The following RASGRP3 variants were observed in gnomAD, a reference collection of about 807,000 sequenced individuals.
RASGRP3 encodes the protein ras guanyl-releasing protein 3.
Under a neutral mutation model 82.7 loss-of-function variants are expected in RASGRP3, and 54 were observed. The observed-to-expected ratio is 0.65, with a 90% CI of 0.52 to 0.82. The LOEUF (loss-of-function observed/expected upper bound fraction) is 0.82. Ranked by LOEUF, RASGRP3 falls within the 40% of genes least tolerant of loss-of-function variation. The pLI is 0.00. For missense variants in RASGRP3, 861 were observed against 828.9 expected (o/e 1.04, Z -0.48); for synonymous variants, 309 against 300.5 (o/e 1.03, Z -0.29).
At chr2:33,540,660 A>C (rs1267039241) in intron 12 of RASGRP3, among the ~76,000 whole-genome samples, 3 of 130,282 alleles carry the variant, frequency 2.3e-5, no homozygotes, top group East Asian at 2.1e-4. Context: ...TGTCTTCCTT[A>C]CCTTTTCTCT....
intron 10 of RASGRP3, among the ~76,000 whole-genome samples, chr2:33,529,075 T>C (rs2151041035): frequency 6.6e-6 from 1 of 152,260 alleles, no homozygotes; most frequent in African/African-American, 2.4e-5. Flanking sequence ...TGCCTACCCT[T>C]GGGCAATTTC....
chr2:33,543,662 A>G, intron 13 of RASGRP3, 35 bp downstream of exon 13: 1 of 1,376,224 alleles, frequency 7.3e-7, no homozygotes, highest in Non-Finnish European at 1.0e-6. Context: ...TAATGCAACT[A>G]TCCTAAAGCA....
intron 9 of RASGRP3, among the ~76,000 whole-genome samples, chr2:33,525,699 CAAAAAAAAAAAAAA>C (rs1167570668): frequency 2.2e-4 from 12 of 54,396 alleles, no homozygotes; most frequent in East Asian, 8.9e-4. Flanking sequence ...CCTGTCTCTA[CAAAAAAAAAAAAAA>C]AAAAAAAAAA....
chr2:33,540,556 T>TG (rs1558506275), intron 12 of RASGRP3, among the ~76,000 whole-genome samples: 535 of 38,644 alleles, frequency 0.014, 40 homozygotes, highest in East Asian at 0.054. Context: ...TGTGTGTGTT[T>TG]TGTGTGTGTG....
chr2:33,501,585 T>G (rs1349200433), intron 1 of RASGRP3, among the ~76,000 whole-genome samples: 2 of 152,240 alleles, frequency 1.3e-5, no homozygotes. Context: ...CACATGCTAG[T>G]AAGTAGAAGA....
intron 13 of RASGRP3, among the ~76,000 whole-genome samples, chr2:33,547,342 C>CTTTTGTTTTT (rs1674885048): frequency 1.5e-5 from 1 of 68,178 alleles, no homozygotes; most frequent in Non-Finnish European, 2.6e-5. Flanking sequence ...ATATAGAATC[C>CTTTTGTTTTT]TTTTTTTTTT....
At chr2:33,476,007 C>A (rs935241243), upstream of RASGRP3, among the ~76,000 whole-genome samples, 3 of 152,198 alleles carry the variant, frequency 2.0e-5, no homozygotes, top group East Asian at 5.8e-4. Context: ...TCAGATAAAG[C>A]TGCCTTTGAT....
At chr2:33,437,281 T>C (rs546056909) in intron 1 of RASGRP3, among the ~76,000 whole-genome samples, 4 of 152,286 alleles carry the variant, frequency 2.6e-5, no homozygotes, top group Middle Eastern at 3.4e-3. Flanking sequence ...AATGGTAAGG[T>C]TGAAAGGAAA....
intron 9 of RASGRP3, among the ~76,000 whole-genome samples, chr2:33,526,333 G>T (rs754223353): frequency 2.0e-5 from 3 of 152,214 alleles, no homozygotes; most frequent in Non-Finnish European, 4.4e-5. Flanking sequence ...GAAAGGTCTG[G>T]TTGCTGTGAA....
At chr2:33,452,447 AG>A (rs2150886639) in intron 2 of RASGRP3, among the ~76,000 whole-genome samples, 1 of 152,312 alleles carries the variant, frequency 6.6e-6, no homozygotes, top group South Asian at 2.1e-4. Flanking sequence ...CTGTATTCTC[AG>A]GCAAGTTGCC....
chr2:33,461,905 C>T (rs78361701), intron 2 of RASGRP3, among the ~76,000 whole-genome samples: 1,525 of 152,308 alleles, frequency 0.01, 18 homozygotes, highest in African/African-American at 0.034. Flanking sequence ...CCAGGCCTCA[C>T]GAGGTTATAA....
chr2:33,461,557 C>G (rs370306446), intron 2 of RASGRP3, among the ~76,000 whole-genome samples: 1 of 152,218 alleles, frequency 6.6e-6, no homozygotes, highest in African/African-American at 2.4e-5. Context: ...GGATTGCAGG[C>G]GTGAGCCAAT....
intron 1 of RASGRP3, among the ~76,000 whole-genome samples, chr2:33,502,598 C>T (rs560014691): frequency 2.4e-4 from 37 of 151,316 alleles, no homozygotes; most frequent in East Asian, 7.8e-4. Flanking sequence ...CTACAACCTC[C>T]GCCTCCCGGG....
Position 33,556,240 on chromosome 2 carries a change from T to C in RASGRP3, c.1579+673T>C, listed in dbSNP as rs1395422208. Among the ~76,000 whole-genome samples, 4 of 64,680 alleles carry C rather than the reference T, an allele frequency of 6.2e-5. 1 individual carries two copies. The East Asian group carries it at 1.6e-3, about 27-fold the overall frequency. The allele number at this position is 64,680 out of a possible 152,430, so 42.4% of individuals were successfully genotyped here. A position where few individuals can be genotyped will look rare whatever the true frequency, so the allele number is the denominator to read the frequency against. ...TGGTTCTTCTAATAATCTTTTTTTT[T>C]TTTTTTTTTTTTTTTTTTGAGACGG... On this transcript the variant is annotated intron_variant, in intron 15 of 17. Transcript: ENST00000403687.
At chr2:33,516,683 A>T (rs776563724) in intron 4 of RASGRP3, 39 bp downstream of exon 4, 1 of 1,345,832 alleles carries the variant, frequency 7.4e-7, no homozygotes, top group Non-Finnish European at 1.0e-6. Context: ...ACAATCATAA[A>T]TCAAGCTCTG....
rs376733184 is a variant in RASGRP3, at chr2:33,562,775, T to C, written c.*38T>C. The C allele has an allele frequency of 3.7e-6, 6 of 1,609,384 alleles. No individual in the cohort carries two copies. Among genetic ancestry groups the C allele is most frequent in the Non-Finnish European group, 5.1e-6 (6 of 1,175,930 alleles). On this transcript the variant is annotated 3_prime_UTR_variant, in exon 18 of 18. Coordinates refer to ENST00000403687, the MANE Select transcript of RASGRP3 (RefSeq NM_001139488.2). The stretch of plus-strand genomic sequence containing the variant: ...GAAACTGAAGGCAATAATGTTGGCT[T>C]TTGGAAGGGGCAAGACGAGAAACTC...
chr2:33,469,832 A>T (rs1437936233), intron 2 of RASGRP3, among the ~76,000 whole-genome samples: 2 of 152,238 alleles, frequency 1.3e-5, no homozygotes, highest in African/African-American at 4.8e-5. Context: ...TAATGATTGC[A>T]TCTTAATTTT....
At chr2:33,516,889 T>A in intron 4 of RASGRP3, 1 of 352,322 alleles carries the variant, frequency 2.8e-6, no homozygotes, top group Non-Finnish European at 5.1e-6. Flanking sequence ...AAGCAGGAAC[T>A]GTAGGCTGGA....
intron 2 of RASGRP3, among the ~76,000 whole-genome samples, chr2:33,462,718 G>A (rs956955400): frequency 3.9e-5 from 6 of 152,142 alleles, no homozygotes; most frequent in Non-Finnish European, 5.9e-5. Context: ...TGATTCTCAC[G>A]AAGATCAAAT....
Sources: gnomAD v4.1 joint callset for allele counts (sites outside exome capture counted in the v4.1 genomes callset) on GRCh38, gnomAD v4.1.1 for gene constraint, MANE v1.5 for transcripts, NCBI Gene and HGNC (gene_info 2026-07-23, HGNC 2026-07-21) for gene names.